The following ROBO2 variants were observed in gnomAD, a reference collection of about 807,000 sequenced individuals.
ROBO2 encodes roundabout homolog 2.
Under a neutral mutation model 160.8 loss-of-function variants are expected in ROBO2, and 53 were observed. The ratio of observed to expected loss-of-function variants is 0.33; its 90% CI spans 0.26 to 0.41. ROBO2 has a LOEUF of 0.41. ROBO2 is among the 10% of genes least tolerant of loss of function. The pLI, the probability that ROBO2 is intolerant of heterozygous loss-of-function variation, is 1.00. For synonymous variants in ROBO2, 664 were observed against 611.7 expected (o/e 1.09, Z -1.26); for missense variants, 1,577 against 1,722.4 (o/e 0.92, Z 1.49).
At chr3:77,464,016 A>G (rs1225972986) in intron 2 of ROBO2, among the ~76,000 whole-genome samples, 1 of 152,220 alleles carries the variant, frequency 6.6e-6, no homozygotes, top group Non-Finnish European at 1.5e-5. Context: ...TCCTAATAAC[A>G]GTGATTCTTT....
chr3:76,044,690 G>A (rs1019066697), intron 2 of ROBO2, among the ~76,000 whole-genome samples: 1 of 151,966 alleles, frequency 6.6e-6, no homozygotes, highest in African/African-American at 2.4e-5. Flanking sequence ...TATTGAAGGT[G>A]ACAGAAAAAA....
intron 16 of ROBO2, 73 bp downstream of exon 17, chr3:77,580,191 C>A: frequency 7.2e-7 from 1 of 1,380,332 alleles, no homozygotes; most frequent in Non-Finnish European, 1.0e-6. Context: ...TTTGCATCAA[C>A]CTACTAATAG....
chr3:77,314,929 A>G (rs2063846995), intron 2 of ROBO2, among the ~76,000 whole-genome samples: 1 of 152,196 alleles, frequency 6.6e-6, no homozygotes, highest in African/African-American at 2.4e-5. Context: ...TTTTCTCTTT[A>G]CAACAATTTT....
chr3:76,637,457 A>G (rs2090404320), intron 2 of ROBO2, among the ~76,000 whole-genome samples: 1 of 151,502 alleles, frequency 6.6e-6, no homozygotes, highest in Non-Finnish European at 1.5e-5. Context: ...TACTTGGGGG[A>G]AAACACCTTC....
intron 2 of ROBO2, among the ~76,000 whole-genome samples, chr3:77,394,246 A>G (rs547348432): frequency 1.4e-4 from 21 of 152,246 alleles, no homozygotes; most frequent in African/African-American, 3.9e-4. Flanking sequence ...ACCTTGTTAG[A>G]TGCTTTCATG....
intron 2 of ROBO2, among the ~76,000 whole-genome samples, chr3:76,531,700 T>C (rs2082241988): frequency 6.6e-6 from 1 of 151,506 alleles, no homozygotes; most frequent in African/African-American, 2.4e-5. Context: ...ATGAAGTTGT[T>C]GTATAGTATA....
intron 5 of ROBO2, among the ~76,000 whole-genome samples, chr3:77,506,402 C>T (rs1035288315): frequency 5.3e-5 from 8 of 152,142 alleles, no homozygotes; most frequent in African/African-American, 1.7e-4. Context: ...CTCCCCAACT[C>T]CCTTTGCCTT....
At chr3:76,964,329 TTTTTGTTTTG>T (rs561269954) in intron 2 of ROBO2, among the ~76,000 whole-genome samples, 54 of 152,154 alleles carry the variant, frequency 3.5e-4, no homozygotes, top group African/African-American at 1.2e-3. Flanking sequence ...ACTCCTTTTG[TTTTTGTTTTG>T]TTTTGTTTTG....
chr3:77,460,502 C>A (rs537331063), intron 2 of ROBO2, among the ~76,000 whole-genome samples: 5 of 152,148 alleles, frequency 3.3e-5, no homozygotes, highest in Non-Finnish European at 5.9e-5. Context: ...GAATGTGTGG[C>A]TGGAACACTC....
chr3:77,288,325 A>C (rs1338466871), intron 2 of ROBO2, among the ~76,000 whole-genome samples: 1 of 152,192 alleles, frequency 6.6e-6, no homozygotes, highest in Non-Finnish European at 1.5e-5. Flanking sequence ...TAAACTGACA[A>C]ACACTTCTCT....
intron 2 of ROBO2, among the ~76,000 whole-genome samples, chr3:76,431,049 T>C (rs2076415463): frequency 6.6e-6 from 1 of 152,116 alleles, no homozygotes; most frequent in Non-Finnish European, 1.5e-5. Context: ...GGGGGTTTTG[T>C]TCATTAAATA....
intron 1 of ROBO2, among the ~76,000 whole-genome samples, chr3:77,079,456 G>A (rs1295313170): frequency 1.3e-5 from 2 of 152,032 alleles, no homozygotes; most frequent in Admixed American, 6.6e-5. Context: ...AATTCATCAT[G>A]TGGCTACATT....
intron 2 of ROBO2, among the ~76,000 whole-genome samples, chr3:77,425,821 A>G (rs570777539): frequency 7.9e-5 from 12 of 151,452 alleles, no homozygotes; most frequent in East Asian, 5.9e-4. Flanking sequence ...TCGACACTAC[A>G]CCCAGCTAAT....
At chr3:77,087,732 AC>A (rs2069519478) in intron 1 of ROBO2, among the ~76,000 whole-genome samples, 1 of 150,980 alleles carries the variant, frequency 6.6e-6, no homozygotes, top group South Asian at 2.1e-4. Flanking sequence ...ACACATATAT[AC>A]ATATATGTGT....
rs1262485782 is a variant in ROBO2 at position 76,723,134 on chromosome 3, TG to T, written c.110-374878del. On this transcript the variant is annotated intron_variant, in intron 2 of 26. Transcript: ENST00000487694. ...CCTTGTGTTATACAATTTTTCTATT[TG>T]GATGGAAAAGAAAAATTAACATTTT... Among the ~76,000 whole-genome samples, 12 of 152,268 alleles carry T rather than the reference TG, an allele frequency of 7.9e-5. No individual in the cohort carries two copies. In the East Asian group the frequency reaches 2.3e-3, roughly 29 times the overall value.
At chr3:76,647,841 T>C (rs979558772) in intron 2 of ROBO2, among the ~76,000 whole-genome samples, 1 of 152,136 alleles carries the variant, frequency 6.6e-6, no homozygotes, top group African/African-American at 2.4e-5. Context: ...ATTTTTTCTG[T>C]GGGCTGTAAA....
chr3:77,428,337 A>ATTTTTTTTTTTTTTTTTTTTTTT (rs1491236295), intron 2 of ROBO2, among the ~76,000 whole-genome samples: 1 of 128,224 alleles, frequency 7.8e-6, no homozygotes, highest in African/African-American at 3.0e-5. Flanking sequence ...AACTTAGGTA[A>ATTTTTTTTTTTTTTTTTTTTTTT]TATTTTTTTT....
At chr3:76,057,776 A>G (rs1413997902) in intron 2 of ROBO2, among the ~76,000 whole-genome samples, 1 of 148,826 alleles carries the variant, frequency 6.7e-6, no homozygotes, top group Non-Finnish European at 1.5e-5. Flanking sequence ...TAACAATTCA[A>G]TTGGTTTTTT....
At chr3:77,382,482 G>A (rs1039807532) in intron 2 of ROBO2, among the ~76,000 whole-genome samples, 14 of 151,596 alleles carry the variant, frequency 9.2e-5, no homozygotes, top group African/African-American at 2.9e-4. Flanking sequence ...ATTGTGTAGC[G>A]GCGAATCCTG....
Sources: gnomAD v4.1 joint callset for allele counts (sites outside exome capture counted in the v4.1 genomes callset) on GRCh38, gnomAD v4.1.1 for gene constraint, MANE v1.5 for transcripts, NCBI Gene and HGNC (gene_info 2026-07-23, HGNC 2026-07-21) for gene names.